Variants in GLIS3 observed in about 807,000 individuals in gnomAD.
GLIS3 encodes the protein GLIS family zinc finger 3.
A neutral mutation model predicts 78.6 loss-of-function variants in GLIS3; 53 were observed. The observed-to-expected ratio is 0.67, with a 90% CI of 0.54 to 0.85. GLIS3 has a LOEUF of 0.85. Among genes scored for constraint, GLIS3 ranks in the 40% least tolerant of loss-of-function variants. GLIS3 has a pLI of 0.00. For missense variants in GLIS3, 1,703 were observed against 1,231.1 expected (o/e 1.38, Z -5.74); for synonymous variants, 684 against 509.9 (o/e 1.34, Z -4.60).
At chr9:4,387,577 G>C in the GLIS3 span, among the ~76,000 whole-genome samples, 1 of 152,134 alleles carries the variant, frequency 6.6e-6, no homozygotes, top group Non-Finnish European at 1.5e-5. Flanking sequence ...ATGACTATTG[G>C]GAGGATAATA....
chr9:4,212,169 G>C (rs930414714), intron 2 of GLIS3, among the ~76,000 whole-genome samples: 1 of 152,266 alleles, frequency 6.6e-6, no homozygotes, highest in Admixed American at 6.5e-5. Flanking sequence ...ATTATACCTC[G>C]ATTTTTAAAA....
chr9:4,474,870 T>A, the GLIS3 span, among the ~76,000 whole-genome samples: 70 of 152,008 alleles, frequency 4.6e-4, no homozygotes, highest in African/African-American at 1.2e-3. Context: ...CTGATTTTTT[T>A]AAAAAAGTTT....
the GLIS3 span, among the ~76,000 whole-genome samples, chr9:4,357,150 C>A: frequency 4.6e-5 from 7 of 152,058 alleles, no homozygotes; most frequent in African/African-American, 1.7e-4. Flanking sequence ...TGGGGAATAA[C>A]CCTGTGATCT....
At chr9:4,110,991 G>A (rs1006932921) in intron 4 of GLIS3, among the ~76,000 whole-genome samples, 4 of 152,076 alleles carry the variant, frequency 2.6e-5, no homozygotes, top group African/African-American at 9.7e-5. Context: ...AGGTAATCAA[G>A]AAATATTCCA....
intron 9 of GLIS3, among the ~76,000 whole-genome samples, chr9:3,854,537 G>C (rs935338748): frequency 1.2e-5 from 1 of 82,394 alleles, no homozygotes; most frequent in Non-Finnish European, 2.9e-5. Flanking sequence ...CCTTTACGTT[G>C]ATGTTCTTTT....
intron 3 of GLIS3, among the ~76,000 whole-genome samples, chr9:4,120,681 C>T (rs1832108739): frequency 6.6e-6 from 1 of 152,160 alleles, no homozygotes; most frequent in Non-Finnish European, 1.5e-5. Flanking sequence ...CTGCTTTACA[C>T]CCGCAGGTTG....
At chr9:4,190,729 G>T (rs1263659654) in intron 2 of GLIS3, among the ~76,000 whole-genome samples, 3 of 152,096 alleles carry the variant, frequency 2.0e-5, no homozygotes, top group African/African-American at 4.8e-5. Context: ...ACACATAATT[G>T]TCAGATTTAC....
the GLIS3 span, among the ~76,000 whole-genome samples, chr9:4,431,199 T>C: frequency 6.6e-6 from 1 of 152,214 alleles, no homozygotes; most frequent in African/African-American, 2.4e-5. Flanking sequence ...TCCCTTATCC[T>C]CTTCTAATTT....
At chr9:4,429,505 T>A in the GLIS3 span, among the ~76,000 whole-genome samples, 2 of 152,228 alleles carry the variant, frequency 1.3e-5, no homozygotes, top group African/African-American at 4.8e-5. Context: ...AGCAATGCTC[T>A]CCACAAGAGC....
At chr9:4,227,163 G>A (rs1021320878) in intron 2 of GLIS3, among the ~76,000 whole-genome samples, 2 of 152,202 alleles carry the variant, frequency 1.3e-5, no homozygotes, top group South Asian at 2.1e-4. Flanking sequence ...GCAGCAACTG[G>A]CAACCTAAGC....
intron 4 of GLIS3, among the ~76,000 whole-genome samples, chr9:4,048,584 A>C (rs1279589143): frequency 6.6e-6 from 1 of 152,212 alleles, no homozygotes; most frequent in Non-Finnish European, 1.5e-5. Context: ...ATTGCTCTGA[A>C]GCCAATGACC....
At chr9:4,273,136 T>C (rs532254433) in intron 2 of GLIS3, among the ~76,000 whole-genome samples, 11 of 152,332 alleles carry the variant, frequency 7.2e-5, no homozygotes, top group Middle Eastern at 3.4e-3. Context: ...GACTAAGCTG[T>C]AGGCCTTTAT....
intron 4 of GLIS3, among the ~76,000 whole-genome samples, chr9:4,080,441 G>T (rs1828458290): frequency 6.6e-6 from 1 of 152,122 alleles, no homozygotes; most frequent in South Asian, 2.1e-4. Context: ...ACAAAAAAAT[G>T]CATGATGAAC....
At chr9:4,143,548 C>T (rs910624740) in intron 2 of GLIS3, among the ~76,000 whole-genome samples, 1 of 148,586 alleles carries the variant, frequency 6.7e-6, no homozygotes, top group Non-Finnish European at 1.5e-5. Flanking sequence ...GCCTGGGCGA[C>T]AGAGCAAGAC....
At chr9:3,836,508 T>C (rs1344683480) in intron 9 of GLIS3, among the ~76,000 whole-genome samples, 1 of 152,186 alleles carries the variant, frequency 6.6e-6, no homozygotes, top group African/African-American at 2.4e-5. Context: ...GACCCCACTC[T>C]CCTTTGCCTT....
At chr9:4,314,757 T>G (rs963054030) in intron 2 of GLIS3, among the ~76,000 whole-genome samples, 1 of 152,224 alleles carries the variant, frequency 6.6e-6, no homozygotes, top group Non-Finnish European at 1.5e-5. Context: ...TTCTCATTCA[T>G]TAGCTCTGGG....
At chr9:3,844,551 A>G (rs1818923169) in intron 9 of GLIS3, among the ~76,000 whole-genome samples, 1 of 152,214 alleles carries the variant, frequency 6.6e-6, no homozygotes, top group Admixed American at 6.5e-5. Flanking sequence ...AATAATATTA[A>G]TTAAACACTT....
chr9:4,341,917 A>C (rs1455357819), intron 2 of GLIS3, among the ~76,000 whole-genome samples: 1 of 152,150 alleles, frequency 6.6e-6, no homozygotes, highest in African/African-American at 2.4e-5. Context: ...GTATCTGTTC[A>C]TGTCCTTTGC....
chr9:3,985,602 G>T (rs542113444), intron 4 of GLIS3, among the ~76,000 whole-genome samples: 1 of 152,174 alleles, frequency 6.6e-6, no homozygotes, highest in Non-Finnish European at 1.5e-5. Flanking sequence ...ACCACAGATT[G>T]TGTAGATATA....
Sources: gnomAD v4.1 joint callset for allele counts (sites outside exome capture counted in the v4.1 genomes callset) on GRCh38, gnomAD v4.1.1 for gene constraint, MANE v1.5 for transcripts, NCBI Gene and HGNC (gene_info 2026-07-23, HGNC 2026-07-21) for gene names.